The following MLC1 variants were observed in gnomAD, a reference collection of about 807,000 sequenced individuals.
The protein encoded by MLC1 is modulator of VRAC current 1, also known as membrane protein MLC1.
MLC1 carries 32 observed loss-of-function variants against 44.7 expected under a neutral mutation model. The ratio of observed to expected loss-of-function variants is 0.72; its 90% CI spans 0.54 to 0.96. The LOEUF is 0.96. MLC1 is among the 40% of genes least tolerant of loss of function. MLC1 has a pLI of 0.00. For missense variants in MLC1, 459 were observed against 492.2 expected, an observed-to-expected ratio of 0.93 and a Z score of 0.64; for synonymous variants, 190 against 213.0, an observed-to-expected ratio of 0.89 and a Z score of 0.94.
rs80358245 is a variant in MLC1, at chr22:50,080,387, G to A, written c.278C>T (p.Ser93Leu). ...LRCAAGSCIP[S>L]AIVSFTVSRR... ...GGAGACGGTGAAGCTCACAATTGCCGAGGGGATGCACTGGAATGAAACCGG... is the reference window on the plus strand; with the variant it reads ...GGAGACGGTGAAGCTCACAATTGCCAAGGGGATGCACTGGAATGAAACCGG... Residue 93 changes from serine to leucine, a missense_variant, in exon 4 of 12, where the codon TCG becomes TTG. By Grantham distance (145) the Ser-to-Leu change is moderately radical. Transcript: ENST00000311597. 37 of 1,605,264 alleles carry A rather than the reference G, an allele frequency of 2.3e-5. No homozygotes were observed. In the East Asian group the frequency reaches 3.2e-4, roughly 14 times the overall value.
At position 50,070,512 on chromosome 22, in the gene MLC1, G is replaced by T; in HGVS notation, c.771+15C>A. ...CGGTGGGTCCCTGGCACCCAGGGCT[G>T]AGGGGTTCACCCACCAGACACTTGC... On this transcript the variant is annotated intron_variant, in intron 9 of 11. Coordinates refer to ENST00000311597, the MANE Select transcript of MLC1 (RefSeq NM_015166.4). The T allele has an allele frequency of 6.4e-7, 1 of 1,555,636 alleles. No homozygotes were observed. Among genetic ancestry groups the T allele is most frequent in the East Asian group, 2.4e-5 (1 of 41,730 alleles).
intron 8 of MLC1, among the ~76,000 whole-genome samples, chr22:50,071,078 C>A (rs2061840292): frequency 6.6e-6 from 1 of 151,756 alleles, no homozygotes; most frequent in South Asian, 2.1e-4. Flanking sequence ...CATGTTCTTT[C>A]TTTTTAATTT....
At chr22:50,077,991 A>ATT (rs3041368) in intron 5 of MLC1, among the ~76,000 whole-genome samples, 17,131 of 143,994 alleles carry the variant, frequency 0.12, 1,140 homozygotes, top group South Asian at 0.22. Flanking sequence ...CTGTCTGACA[A>ATT]TTTTTTTTTT....
chr22:50,074,249 G>A lies in MLC1; in HGVS notation c.681C>T (p.His227=). 3 of 1,614,008 alleles carry A rather than the reference G, an allele frequency of 1.9e-6. No homozygotes were observed. Among genetic ancestry groups the A allele is most frequent in the Non-Finnish European group, 2.5e-6 (3 of 1,179,990 alleles). ...LNVDDSVSGP[H]LSVTFFWILV... ...GGATCCAAAAGAACGTCACTGAGAG[G>A]TGTGGGCCTGAAACTGAGTCATCCA... is the stretch of plus-strand genomic sequence containing the variant. The change falls in exon 8 of 12, where the codon CAC becomes CAT. Residue 227 remains histidine, a synonymous_variant. Coordinates refer to ENST00000311597, the MANE Select transcript of MLC1 (RefSeq NM_015166.4).
At chr22:50,068,348 A>C in intron 10 of MLC1, 85 bp downstream of exon 10, 1 of 1,563,904 alleles carries the variant, frequency 6.4e-7, no homozygotes, top group Non-Finnish European at 8.7e-7. Flanking sequence ...CAGCGCCCCC[A>C]GAGTCCCAGG....
chr22:50,067,191 GA>G (rs1278780863), intron 10 of MLC1, among the ~76,000 whole-genome samples: 1 of 152,056 alleles, frequency 6.6e-6, no homozygotes, highest in East Asian at 1.9e-4. Context: ...GAGAAGTGAA[GA>G]AAAAACCCTG....
intron 10 of MLC1, among the ~76,000 whole-genome samples, chr22:50,065,485 A>G (rs965183368): frequency 1.3e-4 from 20 of 152,248 alleles, no homozygotes; most frequent in African/African-American, 2.2e-4. Flanking sequence ...CGCCAGGCTG[A>G]GACCACCATT....
chr22:50,063,712 A>G (rs1259152661), intron 11 of MLC1, among the ~76,000 whole-genome samples: 135 of 56,930 alleles, frequency 2.4e-3, no homozygotes, highest in African/African-American at 5.1e-3. Flanking sequence ...TCCCTGGCTG[A>G]GCACCCCTGT....
upstream of MLC1, chr22:50,085,723 A>G (rs2146949480): frequency 6.6e-6 from 1 of 152,518 alleles, no homozygotes; most frequent in East Asian, 1.9e-4. Flanking sequence ...GGTCTTCTAC[A>G]TCTTTCCAAG....
chr22:50,081,601 A>G (rs933565092), intron 3 of MLC1, among the ~76,000 whole-genome samples: 76 of 152,332 alleles, frequency 5.0e-4, no homozygotes, highest in Non-Finnish European at 2.4e-4. Context: ...TCCTGCAGCC[A>G]TGGGACCCCG....
intron 10 of MLC1, among the ~76,000 whole-genome samples, 160 bp from the exon 11 acceptor site, chr22:50,064,358 A>C (rs2061658753): frequency 6.6e-6 from 1 of 152,200 alleles, no homozygotes; most frequent in African/African-American, 2.4e-5. Flanking sequence ...ACCTGATGAT[A>C]ATCATTCTAG....
chr22:50,077,308 C>T (rs1018101698), intron 6 of MLC1, 93 bp downstream of exon 6: 6 of 1,114,156 alleles, frequency 5.4e-6, no homozygotes, highest in African/African-American at 3.1e-5. Context: ...CAGCCCAGAT[C>T]GGCCCTCCGA....
intron 9 of MLC1, among the ~76,000 whole-genome samples, chr22:50,068,994 T>A (rs1304024013): frequency 6.6e-6 from 1 of 152,044 alleles, no homozygotes; most frequent in Non-Finnish European, 1.5e-5. Context: ...CCCAAAGTGC[T>A]GTGATTACAG....
chr22:50,085,595 G>A (rs1247157278), upstream of MLC1: 1 of 154,228 alleles, frequency 6.5e-6, no homozygotes, highest in Non-Finnish European at 1.4e-5. Flanking sequence ...GGCCCTGCCT[G>A]TGCCACTCGC....
At position 50,061,460 on chromosome 22, in the gene MLC1, C is replaced by T; in HGVS notation, c.*123G>A. 9.5e-7 allele frequency: 1 copy of T among 1,058,094 alleles called. No homozygotes were observed. Among genetic ancestry groups the T allele is most frequent in the Admixed American group, 1.7e-5 (1 of 57,686 alleles). 65.5% of individuals were successfully genotyped at this position (1,058,094 alleles called of 1,614,324 possible). A position where few individuals can be genotyped will look rare whatever the true frequency, so the allele number is the denominator to read the frequency against. On this transcript the variant is annotated 3_prime_UTR_variant, in exon 12 of 12. Coordinates refer to ENST00000311597, the MANE Select transcript of MLC1 (RefSeq NM_015166.4). ...AGGAAGTGAAAACCCCACCTGCAGC[C>T]TGGTTTGCCCTCACACAAGGGAAAA... is the stretch of plus-strand genomic sequence containing the variant.
intron 2 of MLC1, among the ~76,000 whole-genome samples, chr22:50,084,028 C>T (rs1198922220): frequency 2.0e-5 from 3 of 152,070 alleles, no homozygotes; most frequent in South Asian, 4.1e-4. Context: ...CAGGGGCTGC[C>T]GGCGGAGGCC....
chr22:50,085,638 G>T, upstream of MLC1: 1 of 153,184 alleles, frequency 6.5e-6, no homozygotes, highest in Admixed American at 6.5e-5. Flanking sequence ...AGAAAGAAGC[G>T]TCCCTAAGAA....
At position 50,068,560 on chromosome 22, in the gene MLC1, A is replaced by G. The variant is rs2061769110; in HGVS notation, c.772-5T>C. 8.7e-6 allele frequency: 14 copies of G among 1,611,702 alleles called. No homozygotes were observed. The highest frequency in any genetic ancestry group is 1.2e-5 in the Non-Finnish European group (14 of 1,178,650). On this transcript the variant is annotated splice_region_variant and splice_polypyrimidine_tract_variant and intron_variant, in intron 9 of 11. Transcript: ENST00000311597. ...TATGGCAATCAGGACCTCCACCTGG[A>G]AAAAAAGCGCGGGTTGCAGGACCAC...
chr22:50,074,195 C>T (rs377489807), intron 8 of MLC1, 21 bp downstream of exon 8: 91 of 1,587,268 alleles, frequency 5.7e-5, no homozygotes, highest in Non-Finnish European at 7.6e-5. Context: ...CGGCGGCGGG[C>T]GGGCCAGAGG....
Sources: gnomAD v4.1 joint callset for allele counts (sites outside exome capture counted in the v4.1 genomes callset) on GRCh38, gnomAD v4.1.1 for gene constraint, MANE v1.5 for transcripts, NCBI Gene and HGNC (gene_info 2026-07-23, HGNC 2026-07-21) for gene names.